CNTNAP2: variants seen among roughly 807,000 people sequenced by gnomAD.
The protein encoded by CNTNAP2 is contactin associated protein 2, also known as contactin-associated protein-like 2.
CNTNAP2 carries 98 observed loss-of-function variants against 155.2 expected under a neutral mutation model. That is an observed-to-expected ratio of 0.63 (90% CI 0.54 to 0.75). CNTNAP2 has a LOEUF of 0.75. CNTNAP2 is among the 30% of genes least tolerant of loss of function. The probability of loss-of-function intolerance (pLI) is 0.00; values close to 1 mark genes in which losing one functional copy is unlikely to be tolerated. For synonymous variants in CNTNAP2, 651 were observed against 631.2 expected, an observed-to-expected ratio of 1.03 and a Z score of -0.47; for missense variants, 1,727 against 1,688.1, an observed-to-expected ratio of 1.02 and a Z score of -0.40.
chr7:147,929,119 A>AAAAAC (rs1800452920), intron 14 of CNTNAP2, among the ~76,000 whole-genome samples: 1 of 148,674 alleles, frequency 6.7e-6, no homozygotes, highest in African/African-American at 2.5e-5. Context: ...AAAAAAAAAA[A>AAAAAC]CCTTTAAATC....
chr7:147,003,854 C>T (rs1437265971), intron 3 of CNTNAP2, among the ~76,000 whole-genome samples: 2 of 151,760 alleles, frequency 1.3e-5, no homozygotes, highest in Non-Finnish European at 2.9e-5. Context: ...TATAGTGAGC[C>T]CCCATATTTA....
intron 3 of CNTNAP2, among the ~76,000 whole-genome samples, chr7:146,981,113 T>C (rs977663206): frequency 6.6e-6 from 1 of 152,186 alleles, no homozygotes; most frequent in Non-Finnish European, 1.5e-5. Flanking sequence ...GAAATAATGA[T>C]GGGCAGTGAC....
intron 1 of CNTNAP2, among the ~76,000 whole-genome samples, chr7:146,396,895 A>C (rs925436953): frequency 6.6e-6 from 1 of 152,070 alleles, no homozygotes. Context: ...TATTCCTTTG[A>C]TACATTCATA....
chr7:148,330,559 AGAGTGGATGGATG>A (rs551268335), intron 21 of CNTNAP2, among the ~76,000 whole-genome samples: 8,943 of 125,484 alleles, frequency 0.071, 686 homozygotes, highest in East Asian at 0.42. Context: ...ACGGATGGAT[AGAGTGGATGGATG>A]GAGTGGATGG....
intron 12 of CNTNAP2, among the ~76,000 whole-genome samples, chr7:147,573,746 T>C (rs1403874026): frequency 1.3e-5 from 2 of 152,230 alleles, no homozygotes; most frequent in Non-Finnish European, 2.9e-5. Flanking sequence ...ACCATCATCA[T>C]GGACTTCATC....
At chr7:146,578,012 T>TA (rs1266919065) in intron 1 of CNTNAP2, among the ~76,000 whole-genome samples, 1 of 152,118 alleles carries the variant, frequency 6.6e-6, no homozygotes, top group African/African-American at 2.4e-5. Context: ...ATCATCCAAC[T>TA]AGTCTCCATA....
chr7:147,671,502 GAA>G (rs1394730385), intron 13 of CNTNAP2, among the ~76,000 whole-genome samples: 1 of 151,336 alleles, frequency 6.6e-6, no homozygotes, highest in Non-Finnish European at 1.5e-5. Flanking sequence ...GTTTATCTGA[GAA>G]AAAGAAATTT....
chr7:147,403,622 C>G (rs962173414), intron 10 of CNTNAP2, among the ~76,000 whole-genome samples: 1 of 152,210 alleles, frequency 6.6e-6, no homozygotes, highest in Non-Finnish European at 1.5e-5. Flanking sequence ...TTAACACTTA[C>G]AATGCCTCTG....
chr7:147,672,620 G>A (rs1795805745), intron 13 of CNTNAP2: 1 of 152,076 alleles, frequency 6.6e-6, no homozygotes, highest in Non-Finnish European at 1.5e-5. Flanking sequence ...TGTTTCTCTG[G>A]ATATTTCTCT....
At chr7:146,671,852 G>C (rs1335213032) in intron 1 of CNTNAP2, among the ~76,000 whole-genome samples, 1 of 150,090 alleles carries the variant, frequency 6.7e-6, no homozygotes, top group Admixed American at 6.6e-5. Flanking sequence ...GTCTAACTCT[G>C]TCACCCAGAC....
At chr7:146,551,185 C>T (rs1448209625) in intron 1 of CNTNAP2, among the ~76,000 whole-genome samples, 1 of 151,988 alleles carries the variant, frequency 6.6e-6, no homozygotes, top group Non-Finnish European at 1.5e-5. Context: ...ACGTCCTGCT[C>T]AGAGTCAAAT....
chr7:147,631,144 T>C (rs1266419535), intron 12 of CNTNAP2, among the ~76,000 whole-genome samples: 1 of 152,112 alleles, frequency 6.6e-6, no homozygotes, highest in African/African-American at 2.4e-5. Flanking sequence ...ATAAAATCAA[T>C]GTACACAATT....
intron 1 of CNTNAP2, among the ~76,000 whole-genome samples, chr7:146,489,145 T>C (rs970907458): frequency 1.3e-5 from 2 of 152,184 alleles, no homozygotes; most frequent in Non-Finnish European, 2.9e-5. Flanking sequence ...AACAGTTCCT[T>C]CCTTGAATAA....
intron 5 of CNTNAP2, among the ~76,000 whole-genome samples, chr7:147,119,540 TCTCTTC>T (rs1189028916): frequency 6.6e-6 from 1 of 152,178 alleles, no homozygotes; most frequent in Non-Finnish European, 1.5e-5. Context: ...TTTCTTCCTC[TCTCTTC>T]CTCTTCCTCC....
intron 15 of CNTNAP2, among the ~76,000 whole-genome samples, chr7:147,998,181 C>T (rs563270573): frequency 6.7e-5 from 10 of 148,722 alleles, no homozygotes; most frequent in East Asian, 2.0e-4. Context: ...GCACAAACTC[C>T]GCTCCCTGCA....
At chr7:146,789,845 A>T (rs2129188728) in intron 2 of CNTNAP2, among the ~76,000 whole-genome samples, 1 of 151,156 alleles carries the variant, frequency 6.6e-6, no homozygotes, top group South Asian at 2.1e-4. Flanking sequence ...AAAGAAAATG[A>T]ATAACAGGAG....
At chr7:148,008,013 G>A (rs370669709) in intron 15 of CNTNAP2, among the ~76,000 whole-genome samples, 15 of 152,130 alleles carry the variant, frequency 9.9e-5, no homozygotes, top group South Asian at 4.2e-4. Context: ...CTATAAATGC[G>A]GAGATTTTCC....
chr7:146,722,681 A>G (rs1801358152), intron 1 of CNTNAP2, among the ~76,000 whole-genome samples: 1 of 151,662 alleles, frequency 6.6e-6, no homozygotes, highest in Admixed American at 6.6e-5. Context: ...GGTTAGTGTT[A>G]TGGACTGAAT....
chr7:148,245,380 T>C (rs1231032211), intron 20 of CNTNAP2, among the ~76,000 whole-genome samples: 1 of 152,242 alleles, frequency 6.6e-6, no homozygotes, highest in Non-Finnish European at 1.5e-5. Context: ...AAAGTACTTA[T>C]GGTGGGATCC....
Sources: gnomAD v4.1 joint callset for allele counts (sites outside exome capture counted in the v4.1 genomes callset) on GRCh38, gnomAD v4.1.1 for gene constraint, MANE v1.5 for transcripts, NCBI Gene and HGNC (gene_info 2026-07-23, HGNC 2026-07-21) for gene names.